The following DGUOK variants were observed in gnomAD, a reference collection of about 807,000 sequenced individuals.
DGUOK encodes the protein deoxyguanosine kinase, mitochondrial.
A neutral mutation model predicts 36.6 loss-of-function variants in DGUOK; 30 were observed. That is an observed-to-expected ratio of 0.82 (90% CI 0.61 to 1.11). The LOEUF (loss-of-function observed/expected upper bound fraction) is 1.11. Among genes scored for constraint, DGUOK ranks in the 50% most tolerant of loss-of-function variants. DGUOK has a pLI of 0.00. For synonymous variants in DGUOK, 145 were observed against 126.3 expected (o/e 1.15, Z -0.99); for missense variants, 361 against 336.4 (o/e 1.07, Z -0.57).
chr2:73,927,467 T>C (rs1481550143), intron 1 of DGUOK, among the ~76,000 whole-genome samples: 2 of 152,242 alleles, frequency 1.3e-5, no homozygotes, highest in Non-Finnish European at 2.9e-5. Flanking sequence ...GTGTGTCCAA[T>C]GCAATATTTG....
At position 73,958,256 on chromosome 2, in the gene DGUOK, C is replaced by CT. The variant is rs762338433; in HGVS notation, c.807+14dup. 2 of 1,595,390 alleles carry CT rather than the reference C, an allele frequency of 1.3e-6. No homozygotes were observed. The highest frequency in any genetic ancestry group is 2.7e-5 in the African/African-American group (2 of 74,496). On this transcript the variant is annotated intron_variant, in intron 6 of 6. Transcript: ENST00000264093. Reference sequence around the variant, plus strand: ...GACCTCATGAGAGAGGTGGGAAGGACTTTAACTCCTGTTTTCTGGTGGTTT... The same window carrying CT: ...GACCTCATGAGAGAGGTGGGAAGGACTTTTAACTCCTGTTTTCTGGTGGTTT...
chr2:73,957,858 C>T (rs923712515), intron 5 of DGUOK: 23 of 377,678 alleles, frequency 6.1e-5, no homozygotes, highest in Non-Finnish European at 1.1e-4. Flanking sequence ...GTTGGCATTC[C>T]TGGTTTCTGC....
rs540163203 is a variant in DGUOK, at chr2:73,945,583, A to G, written c.256-1136A>G. Among the ~76,000 whole-genome samples the G allele has an allele frequency of 3.3e-5, 5 of 152,356 alleles. No homozygotes were observed. The South Asian group carries it at 1.0e-3, about 32-fold the overall frequency. ...ATTAATTGAGGTAACATACCACAGT[A>G]AAGGTTGAAATAAATGTTAATTCCT... On this transcript the variant is annotated intron_variant, in intron 2 of 6. Transcript: ENST00000264093.
chr2:73,944,237 C>G (rs977827987), intron 2 of DGUOK, among the ~76,000 whole-genome samples: 1 of 152,142 alleles, frequency 6.6e-6, no homozygotes, highest in Non-Finnish European at 1.5e-5. Flanking sequence ...CCAAGTTAGT[C>G]TTGAACTCTT....
At chr2:73,942,031 T>C (rs772687497) in intron 2 of DGUOK, among the ~76,000 whole-genome samples, 2 of 151,704 alleles carry the variant, frequency 1.3e-5, no homozygotes, top group Non-Finnish European at 2.9e-5. Flanking sequence ...TGCCTCAGCC[T>C]CCTGAGTAGC....
chr2:73,948,059 G>A (rs573896155), intron 3 of DGUOK: 8 of 152,216 alleles, frequency 5.3e-5, no homozygotes, highest in African/African-American at 1.7e-4. Flanking sequence ...TACGTACCCC[G>A]AGAGAGCCTA....
chr2:73,947,043 T>C, intron 3 of DGUOK, 137 bp downstream of exon 3: 1 of 851,062 alleles, frequency 1.2e-6, no homozygotes, highest in Admixed American at 2.0e-5. Context: ...GACAACACTA[T>C]ACAGATTTGT....
intron 2 of DGUOK, 72 bp from the exon 3 acceptor site, chr2:73,946,647 T>G: frequency 7.5e-7 from 1 of 1,332,432 alleles, no homozygotes; most frequent in Non-Finnish European, 1.1e-6. Flanking sequence ...TAGGGGTGTG[T>G]GTGGAGGGGT....
At chr2:73,955,579 AAG>A (rs777166802) in intron 4 of DGUOK, among the ~76,000 whole-genome samples, 16 of 152,160 alleles carry the variant, frequency 1.1e-4, no homozygotes, top group Non-Finnish European at 1.8e-4. Context: ...AAGTTATTGA[AAG>A]AGGGAAGTCC....
intron 1 of DGUOK, among the ~76,000 whole-genome samples, chr2:73,936,395 G>A (rs1681467467): frequency 6.6e-6 from 1 of 152,176 alleles, no homozygotes; most frequent in Non-Finnish European, 1.5e-5. Context: ...AGCAGGGATC[G>A]AACAGATGTG....
At chr2:73,928,970 G>A (rs182087827) in intron 1 of DGUOK, among the ~76,000 whole-genome samples, 208 of 152,332 alleles carry the variant, frequency 1.4e-3, no homozygotes, top group African/African-American at 4.9e-3. Context: ...TTAAGATAGG[G>A]CCAATTGGAT....
At chr2:73,948,350 G>C (rs1174190606) in intron 3 of DGUOK, among the ~76,000 whole-genome samples, 1 of 152,238 alleles carries the variant, frequency 6.6e-6, no homozygotes. Context: ...AAGCTGCATG[G>C]ATCTTAACCT....
intron 2 of DGUOK, among the ~76,000 whole-genome samples, chr2:73,940,119 C>T (rs1681794748): frequency 6.6e-6 from 1 of 152,142 alleles, no homozygotes; most frequent in Admixed American, 6.5e-5. Flanking sequence ...CCAGGCTGGT[C>T]TCAAACTCCT....
At chr2:73,927,302 G>A (rs1680675494) in intron 1 of DGUOK, among the ~76,000 whole-genome samples, 1 of 152,224 alleles carries the variant, frequency 6.6e-6, no homozygotes, top group Admixed American at 6.5e-5. Flanking sequence ...TTAGTGGATA[G>A]GACAAGAATT....
chr2:73,938,677 A>G (rs1254939225), intron 1 of DGUOK, among the ~76,000 whole-genome samples: 2 of 152,208 alleles, frequency 1.3e-5, no homozygotes, highest in Admixed American at 6.5e-5. Context: ...GGAAATTGCA[A>G]ATTAAATCTT....
chr2:73,927,138 T>G (rs1680658008), intron 1 of DGUOK, 86 bp downstream of exon 1: 1 of 1,553,912 alleles, frequency 6.4e-7, no homozygotes, highest in Non-Finnish European at 8.7e-7. Flanking sequence ...CGGAATGGCC[T>G]GCGTCTGATG....
intron 2 of DGUOK, among the ~76,000 whole-genome samples, chr2:73,946,324 A>C (rs1174451954): frequency 6.6e-6 from 1 of 152,226 alleles, no homozygotes; most frequent in African/African-American, 2.4e-5. Flanking sequence ...AAGAGAGGCA[A>C]CATAGTGTTA....
At chr2:73,954,969 G>A (rs929027057) in intron 4 of DGUOK, among the ~76,000 whole-genome samples, 2 of 152,124 alleles carry the variant, frequency 1.3e-5, no homozygotes, top group African/African-American at 4.8e-5. Flanking sequence ...ATTTGTTATA[G>A]CGATATCAGT....
At chr2:73,939,773 A>G (rs1681760508) in intron 2 of DGUOK, among the ~76,000 whole-genome samples, 2 of 152,320 alleles carry the variant, frequency 1.3e-5, no homozygotes, top group East Asian at 3.9e-4. Flanking sequence ...TTAATGAGCC[A>G]TGTTGCACCC....
Sources: allele counts gnomAD v4.1 joint callset (sites outside exome capture counted in the v4.1 genomes callset), GRCh38; gene constraint gnomAD v4.1.1; transcripts MANE v1.5; gene names NCBI Gene and HGNC (gene_info 2026-07-23, HGNC 2026-07-21).